LSAMP: variants seen among roughly 807,000 people sequenced by gnomAD.
LSAMP encodes the protein limbic system-associated membrane protein.
In LSAMP, 7 loss-of-function variants were observed where a neutral mutation model predicts 38.6. The observed-to-expected ratio is 0.18, with a 90% CI of 0.10 to 0.34. The LOEUF (loss-of-function observed/expected upper bound fraction) is 0.34. Ranked by LOEUF, LSAMP falls within the 10% of genes least tolerant of loss-of-function variation. The probability of loss-of-function intolerance (pLI) is 1.00; values close to 1 mark genes in which losing one functional copy is unlikely to be tolerated. For synonymous variants in LSAMP, 154 were observed against 166.8 expected (o/e 0.92, Z 0.59); for missense variants, 313 against 420.0 (o/e 0.75, Z 2.23).
chr3:116,197,806 A>C (rs995116571), intron 1 of LSAMP, among the ~76,000 whole-genome samples: 2 of 152,144 alleles, frequency 1.3e-5, no homozygotes, highest in African/African-American at 4.8e-5. Flanking sequence ...CTTGCTTCCA[A>C]TGATATATAC....
At chr3:116,013,904 C>T (rs757885766) in intron 3 of LSAMP, among the ~76,000 whole-genome samples, 1 of 152,094 alleles carries the variant, frequency 6.6e-6, no homozygotes, top group Non-Finnish European at 1.5e-5. Context: ...TCTTTCTTCC[C>T]CTATTTTCTT....
chr3:116,282,597 A>G (rs1193771852), intron 1 of LSAMP, among the ~76,000 whole-genome samples: 1 of 152,162 alleles, frequency 6.6e-6, no homozygotes, highest in Non-Finnish European at 1.5e-5. Flanking sequence ...CAGTCTCTCA[A>G]TCCCACATTT....
At chr3:116,323,295 AC>A (rs1218182886) in intron 1 of LSAMP, among the ~76,000 whole-genome samples, 2 of 151,964 alleles carry the variant, frequency 1.3e-5, no homozygotes, top group African/African-American at 4.8e-5. Context: ...ACTTTTGCAT[AC>A]CTTTTTTTTC....
chr3:116,216,980 T>C (rs1478231142), intron 1 of LSAMP, among the ~76,000 whole-genome samples: 1 of 152,232 alleles, frequency 6.6e-6, no homozygotes, highest in Non-Finnish European at 1.5e-5. Context: ...AAAGTGAGGC[T>C]GTTCTTATTC....
chr3:116,307,033 T>C (rs76157385), intron 1 of LSAMP, among the ~76,000 whole-genome samples: 3,544 of 152,114 alleles, frequency 0.023, 122 homozygotes, highest in African/African-American at 0.081. Flanking sequence ...ATTTCCAGGT[T>C]TGTTCCTTAA....
At chr3:116,420,598 G>T (rs908676206) in intron 1 of LSAMP, among the ~76,000 whole-genome samples, 3 of 151,988 alleles carry the variant, frequency 2.0e-5, no homozygotes, top group Admixed American at 6.5e-5. Flanking sequence ...CGGGCGCGGT[G>T]GCTCCAGACT....
At chr3:115,853,458 A>C (rs1245815500) in intron 3 of LSAMP, among the ~76,000 whole-genome samples, 1 of 152,200 alleles carries the variant, frequency 6.6e-6, no homozygotes. Context: ...GTTTGGAAAG[A>C]TCTACATAGT....
chr3:116,150,444 G>A (rs562235187), intron 1 of LSAMP, among the ~76,000 whole-genome samples: 12 of 152,148 alleles, frequency 7.9e-5, no homozygotes, highest in African/African-American at 2.6e-4. Flanking sequence ...TTTCAGAATA[G>A]GGGGTTATGA....
chr3:116,427,482 A>G (rs1576217221), intron 1 of LSAMP, among the ~76,000 whole-genome samples: 1 of 152,196 alleles, frequency 6.6e-6, no homozygotes, highest in East Asian at 1.9e-4. Flanking sequence ...CATTTTTTGA[A>G]TAGCCATCAG....
intron 1 of LSAMP, among the ~76,000 whole-genome samples, chr3:116,164,406 T>C (rs1436132688): frequency 1.3e-5 from 2 of 151,092 alleles, no homozygotes; most frequent in African/African-American, 4.9e-5. Context: ...CAGAGGTTTC[T>C]ATTAGGTTGG....
At chr3:116,120,542 T>G (rs1347112910) in intron 1 of LSAMP, among the ~76,000 whole-genome samples, 3 of 152,140 alleles carry the variant, frequency 2.0e-5, no homozygotes, top group Non-Finnish European at 4.4e-5. Flanking sequence ...GCCCAGTTAT[T>G]TTTTACTTGC....
chr3:115,983,457 G>C (rs1939421634), intron 3 of LSAMP, among the ~76,000 whole-genome samples: 2 of 152,124 alleles, frequency 1.3e-5, no homozygotes, highest in Non-Finnish European at 2.9e-5. Flanking sequence ...GGAGGTCCAG[G>C]CTGCAGCAAG....
intron 6 of LSAMP, among the ~76,000 whole-genome samples, chr3:115,811,809 G>C (rs1030362256): frequency 3.3e-5 from 5 of 152,154 alleles, no homozygotes; most frequent in Non-Finnish European, 7.4e-5. Context: ...TGTCACAACT[G>C]CCTTATAAAT....
At chr3:116,018,140 G>A (rs894468831) in intron 3 of LSAMP, among the ~76,000 whole-genome samples, 2 of 152,120 alleles carry the variant, frequency 1.3e-5, no homozygotes, top group African/African-American at 2.4e-5. Context: ...AGTGTCTCAT[G>A]TATATATTAT....
At chr3:116,426,209 G>A (rs922359335) in intron 1 of LSAMP, among the ~76,000 whole-genome samples, 3 of 152,006 alleles carry the variant, frequency 2.0e-5, no homozygotes, top group Admixed American at 2.0e-4. Context: ...ACATGAGGCC[G>A]GGCGCCATGG....
chr3:116,444,392 A>ACACACACAC (rs141638402), intron 1 of LSAMP, among the ~76,000 whole-genome samples: 3,455 of 144,232 alleles, frequency 0.024, 120 homozygotes, highest in African/African-American at 0.069. Flanking sequence ...TGGCATGAAA[A>ACACACACAC]ACACACACAC....
At chr3:116,309,442 A>T (rs1182326366) in intron 1 of LSAMP, among the ~76,000 whole-genome samples, 1 of 152,120 alleles carries the variant, frequency 6.6e-6, no homozygotes, top group African/African-American at 2.4e-5. Context: ...GTGAGATTGA[A>T]GAGCTTAATT....
At chr3:116,284,951 T>C (rs1559813431) in intron 1 of LSAMP, among the ~76,000 whole-genome samples, 1 of 152,214 alleles carries the variant, frequency 6.6e-6, no homozygotes, top group Non-Finnish European at 1.5e-5. Context: ...ATGGCAAGTA[T>C]ATGTTCTAAG....
At chr3:116,193,543 A>T (rs1231176327) in intron 1 of LSAMP, among the ~76,000 whole-genome samples, 1 of 152,232 alleles carries the variant, frequency 6.6e-6, no homozygotes, top group Non-Finnish European at 1.5e-5. Context: ...CAGCAACAAC[A>T]ACAAAAAAAG....
Sources: allele counts gnomAD v4.1 joint callset (sites outside exome capture counted in the v4.1 genomes callset), GRCh38; gene constraint gnomAD v4.1.1; transcripts MANE v1.5; gene names NCBI Gene and HGNC (gene_info 2026-07-23, HGNC 2026-07-21).